RASGRF1: variants seen among roughly 807,000 people sequenced by gnomAD.
RASGRF1 encodes the protein Ras protein specific guanine nucleotide releasing factor 1, also known as ras-specific guanine nucleotide-releasing factor 1.
In RASGRF1, 40 loss-of-function variants were observed where a neutral mutation model predicts 138.7. The ratio of observed to expected loss-of-function variants is 0.29; its 90% CI spans 0.22 to 0.38. The LOEUF (loss-of-function observed/expected upper bound fraction) is 0.38, where lower values mean the gene tolerates loss of function less well. Ranked by LOEUF, RASGRF1 falls within the 10% of genes least tolerant of loss-of-function variation. The probability of loss-of-function intolerance (pLI) is 1.00; values close to 1 mark genes in which losing one functional copy is unlikely to be tolerated. For missense variants in RASGRF1, 1,108 were observed against 1,650.4 expected (o/e 0.67, Z 5.69); for synonymous variants, 614 against 663.2 (o/e 0.93, Z 1.14).
At chr15:78,993,072 T>TGTGTGCCAGGTGG (rs1188986022) in intron 20 of RASGRF1, among the ~76,000 whole-genome samples, 1 of 142,846 alleles carries the variant, frequency 7.0e-6, no homozygotes, top group African/African-American at 2.6e-5. Context: ...GGGTGGTGTG[T>TGTGTGCCAGGTGG]GTGGTGTGTG....
chr15:79,031,582 G>A, intron 7 of RASGRF1, 73 bp from the exon 8 acceptor site: 1 of 715,944 alleles, frequency 1.4e-6, no homozygotes, highest in Admixed American at 2.3e-5. Context: ...GGCAGGGGCA[G>A]ACAGGGAGTG....
chr15:79,053,914 T>C (rs980162529), intron 3 of RASGRF1, among the ~76,000 whole-genome samples: 14 of 152,234 alleles, frequency 9.2e-5, no homozygotes, highest in African/African-American at 3.4e-4. Context: ...GAGCTGGTCA[T>C]GAAAAAAGTT....
At position 78,971,724 on chromosome 15, in the gene RASGRF1, T is replaced by C. The variant is rs1267776800; in HGVS notation, c.3681+142A>G. On this transcript the variant is annotated intron_variant, in intron 26 of 26. Coordinates refer to ENST00000558480, the MANE Select transcript of RASGRF1 (RefSeq NM_001145648.3). ...GAAGAAATAGGGACTAGGGAAGCCT[T>C]CCTTACAGGGATGGCATTTGAGCTG... 1.8e-5 allele frequency: 14 copies of C among 757,450 alleles called. No homozygotes were observed. In the Admixed American group the frequency reaches 2.6e-4, roughly 14 times the overall value. 46.9% of individuals were successfully genotyped at this position (757,450 alleles called of 1,614,324 possible). A position where few individuals can be genotyped will look rare whatever the true frequency, so the allele number is the denominator to read the frequency against.
intron 15 of RASGRF1, 63 bp from the exon 16 acceptor site, chr15:79,001,850 G>C (rs974245893): frequency 4.3e-6 from 5 of 1,152,652 alleles, no homozygotes; most frequent in Non-Finnish European, 4.5e-6. Context: ...TTAAATATTT[G>C]ATTTTAAAAT....
chr15:78,979,294 A>C, intron 24 of RASGRF1: 2 of 919,396 alleles, frequency 2.2e-6, no homozygotes, highest in Non-Finnish European at 2.9e-6. Flanking sequence ...AAGAAAACGC[A>C]AAGAGGAGGC....
chr15:79,029,469 C>T (rs1032092177), intron 8 of RASGRF1, among the ~76,000 whole-genome samples: 1 of 152,150 alleles, frequency 6.6e-6, no homozygotes, highest in African/African-American at 2.4e-5. Flanking sequence ...TAAGTTCCAG[C>T]CCCAGGTGGG....
chr15:79,068,318 AAG>A (rs1215860489), intron 1 of RASGRF1, among the ~76,000 whole-genome samples: 1 of 151,984 alleles, frequency 6.6e-6, no homozygotes, highest in East Asian at 1.9e-4. Flanking sequence ...TGGGTAGGGA[AAG>A]AGCACTGGAA....
Position 79,049,481 on chromosome 15 carries a change from A to AG in RASGRF1, c.624+14dup. 1 of 1,612,532 alleles carries AG rather than the reference A, an allele frequency of 6.2e-7. No homozygotes were observed. Among genetic ancestry groups the AG allele is most frequent in the Non-Finnish European group, 8.5e-7 (1 of 1,178,928 alleles). The stretch of plus-strand genomic sequence containing the variant: ...GAGAGCTCCAAAGAAGGCCACCCAG[A>AG]GGGATAGCACTGACCTTCTTAATTT... On this transcript the variant is annotated intron_variant, in intron 4 of 26. Transcript: ENST00000558480.
At position 79,006,538 on chromosome 15, in the gene RASGRF1, G is replaced by A; in HGVS notation, c.1827-104C>T. On this transcript the variant is annotated intron_variant, in intron 13 of 26. Coordinates refer to ENST00000558480, the MANE Select transcript of RASGRF1 (RefSeq NM_001145648.3). The surrounding 1 kb of genome is among the most constrained non-coding windows in gnomAD (Gnocchi z 4.0). The stretch of plus-strand genomic sequence containing the variant: ...GCTTCCCCCACACACTGACAACACA[G>A]GATGGTCTTATTAAGAGAACAAGCT... 1 of 1,379,032 alleles carries A rather than the reference G, an allele frequency of 7.3e-7. No homozygotes were observed. Among genetic ancestry groups the A allele is most frequent in the Non-Finnish European group, 9.8e-7 (1 of 1,016,128 alleles). The allele number at this position is 1,379,032 out of a possible 1,614,324, so 85.4% of individuals were successfully genotyped here.
chr15:79,025,260 C>T (rs2304992), intron 10 of RASGRF1, 54 bp downstream of exon 10: 346,990 of 1,524,982 alleles, frequency 0.23, 41,262 homozygotes, highest in Middle Eastern at 0.28. Flanking sequence ...GCCAGGACAG[C>T]GCCTGCATGA....
Position 79,075,921 on chromosome 15 carries a change from G to C in RASGRF1, c.277-11395C>G, listed in dbSNP as rs77513158. 7.1e-3 allele frequency among the ~76,000 whole-genome samples: 1,080 copies of C among 152,328 alleles called. 16 individuals are homozygous for C. The highest frequency in any genetic ancestry group is 0.025 in the African/African-American group (1,030 of 41,560). Reference sequence around the variant, plus strand: ...TCTATTCTATACACGTGGTATTAGAGTGAAGATTTCCCACACCTTTTACTC... The same window carrying C: ...TCTATTCTATACACGTGGTATTAGACTGAAGATTTCCCACACCTTTTACTC... On this transcript the variant is annotated intron_variant, in intron 1 of 26. Transcript: ENST00000558480.
Position 79,032,074 on chromosome 15 carries a change from C to G in RASGRF1, c.1152+49G>C, listed in dbSNP as rs771946541. 1.9e-6 allele frequency: 3 copies of G among 1,576,960 alleles called. No individual in the cohort carries two copies. The highest frequency in any genetic ancestry group is 2.3e-5 in the South Asian group (2 of 85,186). ...GCCCCCACCGCCATGGTCCATCCCC[C>G]ACACCTGCCTCCCTGACTCTACCCC... On this transcript the variant is annotated intron_variant, in intron 7 of 26. Transcript: ENST00000558480. The surrounding 1 kb of genome is among the most constrained non-coding windows in gnomAD (Gnocchi z 4.5).
At position 78,973,553 on chromosome 15, in the gene RASGRF1, A is replaced by C; in HGVS notation, c.3495-133T>G. ...TTGCAGTCACCAAGAATCACACTAC[A>C]CTCTAGAACTGACTATTCTACACGC... is the stretch of plus-strand genomic sequence containing the variant. On this transcript the variant is annotated intron_variant, in intron 24 of 26. Coordinates refer to ENST00000558480, the MANE Select transcript of RASGRF1 (RefSeq NM_001145648.3). This position sits in a 1 kb window ranked among gnomAD's most constrained non-coding sequence, Gnocchi z 4.9. 1.6e-6 allele frequency: 1 copy of C among 642,212 alleles called. No individual in the cohort carries two copies. The highest frequency in any genetic ancestry group is 2.7e-6 in the Non-Finnish European group (1 of 370,292). The allele number at this position is 642,212 out of a possible 1,614,324, so 39.8% of individuals were successfully genotyped here. A position where few individuals can be genotyped will look rare whatever the true frequency, so the allele number is the denominator to read the frequency against.
At chr15:79,037,283 T>C (rs1188785424) in intron 5 of RASGRF1, among the ~76,000 whole-genome samples, 2 of 152,030 alleles carry the variant, frequency 1.3e-5, no homozygotes, top group African/African-American at 4.8e-5. Flanking sequence ...TCAGGGGTTC[T>C]TGAGGGAGCC....
chr15:79,063,911 C>G (rs1259926952), intron 2 of RASGRF1, among the ~76,000 whole-genome samples: 1 of 152,122 alleles, frequency 6.6e-6, no homozygotes, highest in African/African-American at 2.4e-5. Flanking sequence ...TCTCCTGGCC[C>G]AGGGAGTCTC....
rs181053979 is a variant in RASGRF1, at chr15:78,986,757, G to A, written c.3217-1553C>T. On this transcript the variant is annotated intron_variant, in intron 22 of 26. Transcript: ENST00000558480. ...GAATTAAAAATTACAGGGCTTTATCGCTAAGAAATCTTCTCAAAAACAATT... is the reference window on the plus strand; with the variant it reads ...GAATTAAAAATTACAGGGCTTTATCACTAAGAAATCTTCTCAAAAACAATT... Among the ~76,000 whole-genome samples the A allele has an allele frequency of 6.6e-5, 10 of 152,210 alleles. No homozygotes were observed. In the East Asian group the frequency reaches 7.7e-4, roughly 12 times the overall value.
intron 19 of RASGRF1, among the ~76,000 whole-genome samples, chr15:78,996,620 C>T (rs2056397251): frequency 6.6e-6 from 1 of 152,204 alleles, no homozygotes; most frequent in Non-Finnish European, 1.5e-5. Context: ...TCTTTCATCA[C>T]ACCCAGGGAA....
intron 1 of RASGRF1, among the ~76,000 whole-genome samples, chr15:79,064,834 C>A (rs188077800): frequency 6.6e-6 from 1 of 152,324 alleles, no homozygotes; most frequent in East Asian, 1.9e-4. Context: ...GGAGGGAAGG[C>A]AGGGAAAGCA....
At chr15:79,010,036 T>TG (rs1306588787) in intron 13 of RASGRF1, among the ~76,000 whole-genome samples, 1 of 150,966 alleles carries the variant, frequency 6.6e-6, no homozygotes, top group Admixed American at 6.6e-5. Context: ...TTGTTTGTTT[T>TG]TTTTTTTTTT....
Sources: allele counts gnomAD v4.1 joint callset (sites outside exome capture counted in the v4.1 genomes callset), GRCh38; gene constraint gnomAD v4.1.1; non-coding constraint Gnocchi (gnomAD v3.1); transcripts MANE v1.5; gene names NCBI Gene and HGNC (gene_info 2026-07-23, HGNC 2026-07-21).